Variants in IGSF3 observed in about 807,000 individuals in gnomAD.
The protein encoded by IGSF3 is immunoglobulin superfamily member 3.
Under a neutral mutation model 114.4 loss-of-function variants are expected in IGSF3, and 23 were observed. That is an observed-to-expected ratio of 0.20 (90% CI 0.14 to 0.28). The LOEUF is 0.28. Ranked by LOEUF, IGSF3 falls within the 10% of genes least tolerant of loss-of-function variation. IGSF3 has a pLI of 1.00. For synonymous variants in IGSF3, 571 were observed against 645.2 expected (o/e 0.88, Z 1.74); for missense variants, 1,172 against 1,591.5 (o/e 0.74, Z 4.48).
intron 2 of IGSF3, chr1:116,646,935 G>A (rs1201901917): frequency 1.3e-5 from 2 of 152,304 alleles, no homozygotes; most frequent in South Asian, 2.1e-4. Flanking sequence ...GCTAATGCAG[G>A]TTCTTCTCTC....
rs1661537568 is a variant in IGSF3 at position 116,625,253 on chromosome 1, T to C, written c.44-8796A>G. ...TCCTAAAATAAATACACATAACTAATCATTTTAATGGTATACAATAGCAGT... is the reference window on the plus strand; with the variant it reads ...TCCTAAAATAAATACACATAACTAACCATTTTAATGGTATACAATAGCAGT... On this transcript the variant is annotated intron_variant, in intron 2 of 10. Transcript: ENST00000369486. The surrounding 1 kb of genome is among the most constrained non-coding windows in gnomAD (Gnocchi z 4.7). Among the ~76,000 whole-genome samples, 1 of 152,186 alleles carries C rather than the reference T, an allele frequency of 6.6e-6. No homozygotes were observed. Among genetic ancestry groups the C allele is most frequent in the South Asian group, 2.1e-4 (1 of 4,836 alleles).
Position 116,615,587 on chromosome 1 carries a change from G to A in IGSF3, c.421+493C>T, listed in dbSNP as rs1661185072. 6.6e-6 allele frequency among the ~76,000 whole-genome samples: 1 copy of A among 152,178 alleles called. No homozygotes were observed. ...TAAGGAGCAACAAGGGAGACAGCCA[G>A]TTCATAGTTCCTTACGCATGGAGCC... On this transcript the variant is annotated intron_variant, in intron 3 of 10. Transcript: ENST00000369486. The surrounding 1 kb of genome is among the most constrained non-coding windows in gnomAD (Gnocchi z 4.3).
At chr1:116,581,442 A>G (rs940968776) in intron 9 of IGSF3, among the ~76,000 whole-genome samples, 1 of 151,512 alleles carries the variant, frequency 6.6e-6, no homozygotes, top group Non-Finnish European at 1.5e-5. Context: ...AAAGGTGCCA[A>G]TGTAATGTAA....
In IGSF3 at chr1:116,636,903, C is replaced by T. The variant is rs1177134075; in HGVS notation, c.44-20446G>A. On this transcript the variant is annotated intron_variant, in intron 2 of 10. Coordinates refer to ENST00000369486, the MANE Select transcript of IGSF3 (RefSeq NM_001007237.3). The surrounding 1 kb of genome is among the most constrained non-coding windows in gnomAD (Gnocchi z 4.5). ...GGGCCATGGAGCTGAGCAGATGGGA[C>T]TGCAATTCACACTATTAACTCAAAT... Among the ~76,000 whole-genome samples the T allele has an allele frequency of 6.6e-6, 1 of 152,200 alleles. No individual in the cohort carries two copies. The highest frequency in any genetic ancestry group is 1.5e-5 in the Non-Finnish European group (1 of 68,040).
chr1:116,618,992 T>C lies in IGSF3; in HGVS notation c.44-2535A>G, dbSNP rs1661321005. ...AACAGTGCCTGGACCCCACCTGACA[T>C]AACTGGTCTTAGGATTAATTAGGAT... On this transcript the variant is annotated intron_variant, in intron 2 of 10. Coordinates refer to ENST00000369486, the MANE Select transcript of IGSF3 (RefSeq NM_001007237.3). The surrounding 1 kb of genome is among the most constrained non-coding windows in gnomAD (Gnocchi z 4.7). 6.6e-6 allele frequency among the ~76,000 whole-genome samples: 1 copy of C among 152,166 alleles called. No homozygotes were observed. The highest frequency in any genetic ancestry group is 1.9e-4 in the East Asian group (1 of 5,198).
chr1:116,667,464 C>A (rs1342405021), intron 1 of IGSF3, among the ~76,000 whole-genome samples, 154 bp downstream of exon 1: 1 of 151,992 alleles, frequency 6.6e-6, no homozygotes, highest in Non-Finnish European at 1.5e-5. Flanking sequence ...GCAGCGCGCC[C>A]GCCCAGCCAG....
Position 116,584,671 on chromosome 1 carries a change from T to A in IGSF3, c.2822A>T (p.Gln941Leu). The change falls in exon 9 of 11, where the codon CAG becomes CTG. Residue 941 changes from glutamine to leucine, a missense_variant. By Grantham distance (113) the Gln-to-Leu change is moderately radical. This residue lies in a region of IGSF3 where 423 missense variants were observed against 509.8 expected (regional missense o/e 0.83). Coordinates refer to ENST00000369486, the MANE Select transcript of IGSF3 (RefSeq NM_001007237.3). This position sits in a 1 kb window ranked among gnomAD's most constrained non-coding sequence, Gnocchi z 5.8. Reference sequence around the variant, plus strand: ...TGGTCGCATGACTGTCAGAGCTGTCTGCCCAGCGGTGTCCTCTGCCCGCTT... The same window carrying A: ...TGGTCGCATGACTGTCAGAGCTGTCAGCCCAGCGGTGTCCTCTGCCCGCTT... ...WYKRAEDTAG[Q>L]TALTVMRPDA... 1 of 1,614,210 alleles carries A rather than the reference T, an allele frequency of 6.2e-7. No individual in the cohort carries two copies. The highest frequency in any genetic ancestry group is 8.5e-7 in the Non-Finnish European group (1 of 1,180,008).
chr1:116,630,941 G>A (rs1647545285), intron 2 of IGSF3, among the ~76,000 whole-genome samples: 1 of 152,100 alleles, frequency 6.6e-6, no homozygotes, highest in Non-Finnish European at 1.5e-5. Context: ...TTGATGGGTG[G>A]TAGGGTCCAT....
At chr1:116,590,840 T>C (rs1470331686) in intron 7 of IGSF3, among the ~76,000 whole-genome samples, 1 of 151,978 alleles carries the variant, frequency 6.6e-6, no homozygotes, top group Non-Finnish European at 1.5e-5. Flanking sequence ...AGACAAATGT[T>C]CTGAATGGAT....
intron 8 of IGSF3, among the ~76,000 whole-genome samples, chr1:116,586,575 A>G (rs1034409300): frequency 2.0e-5 from 3 of 152,318 alleles, no homozygotes; most frequent in African/African-American, 4.8e-5. Context: ...GTTCACTGTA[A>G]CAGAGACTTC....
chr1:116,617,218 C>T (rs1661256201), intron 2 of IGSF3: 1 of 878,724 alleles, frequency 1.1e-6, no homozygotes, highest in Non-Finnish European at 1.4e-6. Flanking sequence ...ACTCAAGACT[C>T]CCCCGCTGAC....
chr1:116,623,233 C>G (rs1557875998), intron 2 of IGSF3, among the ~76,000 whole-genome samples: 1 of 152,226 alleles, frequency 6.6e-6, no homozygotes, highest in Non-Finnish European at 1.5e-5. Context: ...CCAGCACTTA[C>G]TGAGCCCCAG....
chr1:116,659,259 T>G (rs1649010409), intron 2 of IGSF3, among the ~76,000 whole-genome samples: 1 of 152,168 alleles, frequency 6.6e-6, no homozygotes, highest in Admixed American at 6.5e-5. Context: ...TTTGCCCTTC[T>G]GAAGGTGGAG....
At chr1:116,658,300 A>G (rs1218036546) in intron 2 of IGSF3, among the ~76,000 whole-genome samples, 2 of 152,226 alleles carry the variant, frequency 1.3e-5, no homozygotes, top group Non-Finnish European at 2.9e-5. Flanking sequence ...TCGGCCTCCC[A>G]AAGTGCTGGA....
chr1:116,605,852 T>C lies in IGSF3; in HGVS notation c.1223-1827A>G, dbSNP rs1335593257. Among the ~76,000 whole-genome samples the C allele has an allele frequency of 6.6e-6, 1 of 152,228 alleles. No homozygotes were observed. Among genetic ancestry groups the C allele is most frequent in the Non-Finnish European group, 1.5e-5 (1 of 68,042 alleles). On this transcript the variant is annotated intron_variant, in intron 5 of 10. Coordinates refer to ENST00000369486, the MANE Select transcript of IGSF3 (RefSeq NM_001007237.3). The surrounding 1 kb of genome is among the most constrained non-coding windows in gnomAD (Gnocchi z 5.1). ...AAGAATGACTTGCAGGACCTCACTC[T>C]CATCCCCTACTGTCATCCCAGTGGA... is the stretch of plus-strand genomic sequence containing the variant.
In IGSF3 at chr1:116,589,047, G is replaced by T. The variant is rs1659977494; in HGVS notation, c.2087C>A (p.Pro696His). The T allele has an allele frequency of 6.2e-7, 1 of 1,614,128 alleles. No homozygotes were observed. The highest frequency in any genetic ancestry group is 8.5e-7 in the Non-Finnish European group (1 of 1,179,986). Residue 696 changes from proline to histidine, a missense_variant, in exon 8 of 11, where the codon CCC becomes CAC. By Grantham distance (77) the Pro-to-His change is moderately conservative. Transcript: ENST00000369486. This position sits in a 1 kb window ranked among gnomAD's most constrained non-coding sequence, Gnocchi z 5.7. Reference sequence around the variant, plus strand: ...CTTGACTGAGCAGTTCAACTGAATGGGCTTGTTTTCCACCAGGGTGAGGGT... The same window carrying T: ...CTTGACTGAGCAGTTCAACTGAATGTGCTTGTTTTCCACCAGGGTGAGGGT... ...KRTLTLVENKPIQLNCSVKSQ... is the reference protein window; with the variant it reads ...KRTLTLVENKHIQLNCSVKSQ...
chr1:116,601,117 G>A (rs1257384844), intron 6 of IGSF3, among the ~76,000 whole-genome samples: 1 of 152,160 alleles, frequency 6.6e-6, no homozygotes, highest in Non-Finnish European at 1.5e-5. Flanking sequence ...CTAGGTGCAA[G>A]CATGGTGCCA....
chr1:116,577,194 G>T lies in IGSF3; in HGVS notation c.*118C>A. The T allele has an allele frequency of 8.6e-7, 1 of 1,166,854 alleles. No homozygotes were observed. The highest frequency in any genetic ancestry group is 1.2e-6 in the Non-Finnish European group (1 of 836,390). The allele number at this position is 1,166,854 out of a possible 1,614,324, so 72.3% of individuals were successfully genotyped here. ...ACTGGGAACTTGGAACACTTTTCAA[G>T]TCTGACAACTTTCCACACACATGCA... On this transcript the variant is annotated 3_prime_UTR_variant, in exon 11 of 11. Coordinates refer to ENST00000369486, the MANE Select transcript of IGSF3 (RefSeq NM_001007237.3). This position sits in a 1 kb window ranked among gnomAD's most constrained non-coding sequence, Gnocchi z 5.7.
rs1648565982 is a variant in IGSF3, at chr1:116,650,073, T to TA, written c.43+16210dup. ...TCTCCTTTCTGCCTTACCACAAAGCTAAGCTCTGTCTCTGAATAATGTGCT... is the reference window on the plus strand; with the variant it reads ...TCTCCTTTCTGCCTTACCACAAAGCTAAAGCTCTGTCTCTGAATAATGTGCT... On this transcript the variant is annotated intron_variant, in intron 2 of 10. Transcript: ENST00000369486. This position sits in a 1 kb window ranked among gnomAD's most constrained non-coding sequence, Gnocchi z 5.0. Among the ~76,000 whole-genome samples, 1 of 152,224 alleles carries TA rather than the reference T, an allele frequency of 6.6e-6. No individual in the cohort carries two copies. The highest frequency in any genetic ancestry group is 2.4e-5 in the African/African-American group (1 of 41,466).
Sources: gnomAD v4.1 joint callset for allele counts (sites outside exome capture counted in the v4.1 genomes callset) on GRCh38, gnomAD v4.1.1 for gene constraint, gnomAD v4.1.1 regional missense constraint, Gnocchi (gnomAD v3.1) non-coding constraint, MANE v1.5 for transcripts, NCBI Gene and HGNC (gene_info 2026-07-23, HGNC 2026-07-21) for gene names.